Variants in ITGA9 observed in about 807,000 individuals in gnomAD.
The protein encoded by ITGA9 is integrin subunit alpha 9.
ITGA9 carries 56 observed loss-of-function variants against 127.8 expected under a neutral mutation model. The ratio of observed to expected loss-of-function variants is 0.44; its 90% CI spans 0.35 to 0.55. ITGA9 has a LOEUF of 0.55. ITGA9 is among the 20% of genes least tolerant of loss of function. ITGA9 has a pLI of 0.00. For synonymous variants in ITGA9, 508 were observed against 514.5 expected (o/e 0.99, Z 0.17); for missense variants, 1,196 against 1,347.1 (o/e 0.89, Z 1.76).
At chr3:37,816,808 C>T (rs1697439093) in intron 27 of ITGA9, among the ~76,000 whole-genome samples, 1 of 152,196 alleles carries the variant, frequency 6.6e-6, no homozygotes, top group Non-Finnish European at 1.5e-5. Context: ...GTTTACAAAA[C>T]TGGCCTTGAG....
chr3:37,654,695 A>G (rs944828108), intron 17 of ITGA9, among the ~76,000 whole-genome samples: 1 of 151,926 alleles, frequency 6.6e-6, no homozygotes, highest in Non-Finnish European at 1.5e-5. Context: ...ACACTAGGAC[A>G]TTTTTTTTAT....
chr3:37,494,304 A>G (rs1698703737), intron 4 of ITGA9, among the ~76,000 whole-genome samples, 197 bp from the exon 5 acceptor site: 1 of 152,076 alleles, frequency 6.6e-6, no homozygotes, highest in Admixed American at 6.5e-5. Context: ...TCCCTTCCCG[A>G]TGGCACCAGA....
intron 15 of ITGA9, among the ~76,000 whole-genome samples, chr3:37,608,165 G>C (rs1262834973): frequency 6.6e-6 from 1 of 152,172 alleles, no homozygotes; most frequent in Non-Finnish European, 1.5e-5. Context: ...TATATTTCCA[G>C]AATATGCTTT....
chr3:37,544,781 G>T (rs1259116584), intron 15 of ITGA9, among the ~76,000 whole-genome samples: 1 of 152,204 alleles, frequency 6.6e-6, no homozygotes, highest in Non-Finnish European at 1.5e-5. Flanking sequence ...GGAGGTGGGA[G>T]CGGAGAAATA....
intron 17 of ITGA9, 98 bp downstream of exon 17, chr3:37,653,888 A>G (rs1700452162): frequency 2.4e-6 from 2 of 846,054 alleles, no homozygotes; most frequent in Admixed American, 3.7e-5. Flanking sequence ...TGAAGAGGAT[A>G]AACAGAGTTG....
intron 15 of ITGA9, among the ~76,000 whole-genome samples, chr3:37,592,445 G>A (rs1390822410): frequency 6.6e-6 from 1 of 152,158 alleles, no homozygotes; most frequent in Non-Finnish European, 1.5e-5. Context: ...CAGTGGAGAA[G>A]GCACACCCAC....
intron 18 of ITGA9, among the ~76,000 whole-genome samples, chr3:37,715,846 G>A (rs1271612878): frequency 6.6e-6 from 1 of 152,208 alleles, no homozygotes; most frequent in Non-Finnish European, 1.5e-5. Context: ...GGGACTAGAT[G>A]TTTTTGTGTG....
Position 37,452,626 on chromosome 3 carries a change from C to T in ITGA9, c.185+67C>T. On this transcript the variant is annotated intron_variant, in intron 1 of 27. Transcript: ENST00000264741. The surrounding 1 kb of genome is among the most constrained non-coding windows in gnomAD (Gnocchi z 7.3). ...ACCGCCCCGGCCCCCAGGCCAGCGC[C>T]GCCGCCGCCTTTCCGGTCTCTTCCA... The T allele has an allele frequency of 1.5e-6, 2 of 1,331,342 alleles. No homozygotes were observed. Among genetic ancestry groups the T allele is most frequent in the Non-Finnish European group, 9.9e-7 (1 of 1,014,380 alleles). The allele number at this position is 1,331,342 out of a possible 1,614,324, so 82.5% of individuals were successfully genotyped here.
intron 15 of ITGA9, among the ~76,000 whole-genome samples, chr3:37,549,076 C>T (rs189472920): frequency 5.9e-5 from 9 of 152,306 alleles, no homozygotes; most frequent in South Asian, 2.1e-4. Flanking sequence ...TTGGAGACCA[C>T]GCTGGAAGTC....
rs1559602165 is a variant in ITGA9, at chr3:37,799,048, A to C, written c.2890-4775A>C. Among the ~76,000 whole-genome samples, 1 of 152,254 alleles carries C rather than the reference A, an allele frequency of 6.6e-6. No individual in the cohort carries two copies. The highest frequency in any genetic ancestry group is 1.5e-5 in the Non-Finnish European group (1 of 68,046). On this transcript the variant is annotated intron_variant, in intron 26 of 27. Transcript: ENST00000264741. The surrounding 1 kb of genome is among the most constrained non-coding windows in gnomAD (Gnocchi z 4.0). ...CTTAGGATATTGCTAATTTAGTACCAATATAAATAATTCTGCAGTGAACAT... is the reference window on the plus strand; with the variant it reads ...CTTAGGATATTGCTAATTTAGTACCCATATAAATAATTCTGCAGTGAACAT...
chr3:37,547,714 C>G (rs1699340637), intron 15 of ITGA9, among the ~76,000 whole-genome samples: 1 of 152,002 alleles, frequency 6.6e-6, no homozygotes. Flanking sequence ...AAAGAAATAG[C>G]TAAGAAAAAA....
At chr3:37,746,027 T>C (rs1000112360) in intron 22 of ITGA9, 2 of 152,222 alleles carry the variant, frequency 1.3e-5, no homozygotes, top group Non-Finnish European at 2.9e-5. Flanking sequence ...GCCCACTTTT[T>C]CCTTGAGAAT....
rs72857298 is a variant in ITGA9 at position 37,683,138 on chromosome 3, C to T, written c.1917-727C>T. Among the ~76,000 whole-genome samples, 1,385 of 152,294 alleles carry T rather than the reference C, an allele frequency of 9.1e-3. 25 individuals are homozygous for T. The highest frequency in any genetic ancestry group is 0.031 in the African/African-American group (1,301 of 41,560). ...TCCCTCAGTCCCTCTGAGCTCAATCCTTCCTGCTCTCTTTATCACTCCTCT... is the reference window on the plus strand; with the variant it reads ...TCCCTCAGTCCCTCTGAGCTCAATCTTTCCTGCTCTCTTTATCACTCCTCT... On this transcript the variant is annotated intron_variant, in intron 17 of 27. Coordinates refer to ENST00000264741, the MANE Select transcript of ITGA9 (RefSeq NM_002207.3).
At chr3:37,527,728 T>C (rs1269591228) in intron 13 of ITGA9, among the ~76,000 whole-genome samples, 1 of 152,194 alleles carries the variant, frequency 6.6e-6, no homozygotes, top group African/African-American at 2.4e-5. Context: ...TTTGTCAGGA[T>C]TCTTCTCAAA....
Position 37,629,374 on chromosome 3 carries a change from G to A in ITGA9, c.1839+38G>A. 1 of 1,610,774 alleles carries A rather than the reference G, an allele frequency of 6.2e-7. No individual in the cohort carries two copies. On this transcript the variant is annotated intron_variant, in intron 16 of 27. Transcript: ENST00000264741. This position sits in a 1 kb window ranked among gnomAD's most constrained non-coding sequence, Gnocchi z 4.5. ...AAGCTCATACTCAGCACCCAAGGTG[G>A]CAGCTGCACAGAGCAGAAATAATGG...
At chr3:37,813,895 A>G (rs916715725) in intron 27 of ITGA9, among the ~76,000 whole-genome samples, 1 of 152,242 alleles carries the variant, frequency 6.6e-6, no homozygotes, top group African/African-American at 2.4e-5. Context: ...AGTTCAAAAG[A>G]CTATAAAAGT....
chr3:37,471,232 ATCCTTCCC>A, intron 2 of ITGA9, 98 bp downstream of exon 2: 1 of 1,346,132 alleles, frequency 7.4e-7, no homozygotes, highest in Non-Finnish European at 1.1e-6. Flanking sequence ...TCACCCATCC[ATCCTTCCC>A]TCCTTCCCTC....
At chr3:37,522,494 G>A (rs966856376) in intron 11 of ITGA9, among the ~76,000 whole-genome samples, 1 of 152,172 alleles carries the variant, frequency 6.6e-6, no homozygotes. Context: ...GGGAGGCTGA[G>A]GCAGGAACAT....
chr3:37,542,134 GCTCAGTTGATAC>G (rs1429414365), intron 14 of ITGA9, among the ~76,000 whole-genome samples: 6 of 152,116 alleles, frequency 3.9e-5, no homozygotes, highest in African/African-American at 1.4e-4. Context: ...CATATTGCTG[GCTCAGTTGATAC>G]CTCATGATGG....
Sources: allele counts gnomAD v4.1 joint callset (sites outside exome capture counted in the v4.1 genomes callset), GRCh38; gene constraint gnomAD v4.1.1; non-coding constraint Gnocchi (gnomAD v3.1); transcripts MANE v1.5; gene names NCBI Gene and HGNC (gene_info 2026-07-23, HGNC 2026-07-21).